TBC1D1: variants seen among roughly 807,000 people sequenced by gnomAD.
TBC1D1 encodes TBC1 domain family member 1.
Under a neutral mutation model 125.6 loss-of-function variants are expected in TBC1D1, and 89 were observed. The observed-to-expected ratio is 0.71, with a 90% CI of 0.60 to 0.85. The LOEUF (loss-of-function observed/expected upper bound fraction) is 0.85. TBC1D1 is among the 40% of genes least tolerant of loss of function. The pLI, the probability that TBC1D1 is intolerant of heterozygous loss-of-function variation, is 0.00. For synonymous variants in TBC1D1, 565 were observed against 564.1 expected, an observed-to-expected ratio of 1.00 and a Z score of -0.02; for missense variants, 1,377 against 1,469.2, an observed-to-expected ratio of 0.94 and a Z score of 1.03.
intron 2 of TBC1D1, among the ~76,000 whole-genome samples, chr4:38,010,181 T>C (rs1012745836): frequency 6.6e-6 from 1 of 152,224 alleles, no homozygotes; most frequent in African/African-American, 2.4e-5. Flanking sequence ...GGGGGTTTAG[T>C]ATTGTCTTCC....
At position 38,103,001 on chromosome 4, in the gene TBC1D1, G is replaced by A; in HGVS notation, c.2401G>A (p.Val801Met). The A allele has an allele frequency of 6.2e-7, 1 of 1,613,442 alleles. No individual in the cohort carries two copies. Among genetic ancestry groups the A allele is most frequent in the East Asian group, 2.2e-5 (1 of 44,870 alleles). ...CATGTCTTCTCTCCCTTTTAAAGGTGTGCCACGTCATCACCGAGGTGAAAT... is the reference window on the plus strand; with the variant it reads ...CATGTCTTCTCTCCCTTTTAAAGGTATGCCACGTCATCACCGAGGTGAAAT... The change falls in exon 15 of 20, where the codon GTG (valine) becomes ATG (methionine). Residue 801 changes from valine (V) to methionine (M), a missense_variant and splice_region_variant. By Grantham distance (21) the Val-to-Met change is conservative (BLOSUM62 1). Around this residue, in one of 3 missense-constraint regions of TBC1D1, gnomAD observed 543 missense variants for 613.5 expected, o/e 0.89. Transcript: ENST00000261439.
intron 2 of TBC1D1, among the ~76,000 whole-genome samples, chr4:37,973,151 G>A (rs1732398518): frequency 6.6e-6 from 1 of 152,170 alleles, no homozygotes; most frequent in African/African-American, 2.4e-5. Context: ...ACTTTCCCAT[G>A]AGATTAGTGA....
chr4:38,015,105 A>G, intron 3 of TBC1D1, 132 bp downstream of exon 3: 1 of 785,834 alleles, frequency 1.3e-6, no homozygotes, highest in Non-Finnish European at 2.0e-6. Flanking sequence ...TTCATGCTGA[A>G]CAATTCTATT....
intron 2 of TBC1D1, among the ~76,000 whole-genome samples, chr4:37,949,154 A>G (rs1727329624): frequency 1.3e-5 from 2 of 152,238 alleles, no homozygotes; most frequent in East Asian, 3.8e-4. Context: ...AGGCACAGAT[A>G]CGATCTGAGT....
intron 2 of TBC1D1, among the ~76,000 whole-genome samples, chr4:37,928,691 G>T (rs4832745): frequency 0.38 from 58,125 of 152,078 alleles, 11,555 homozygotes; most frequent in East Asian, 0.67. Flanking sequence ...TCTTCCAGGC[G>T]GTCTTTGGCA....
At chr4:38,133,758 C>T (rs1765997382) in intron 19 of TBC1D1, among the ~76,000 whole-genome samples, 1 of 152,176 alleles carries the variant, frequency 6.6e-6, no homozygotes, top group East Asian at 1.9e-4. Context: ...TCAGTTCTCC[C>T]CTCTAGAAAC....
intron 6 of TBC1D1, among the ~76,000 whole-genome samples, chr4:38,023,207 G>A (rs1381693950): frequency 8.7e-5 from 13 of 148,774 alleles, no homozygotes; most frequent in African/African-American, 1.8e-4. Context: ...AGATTGTGCC[G>A]CTGTGCTCCA....
chr4:38,085,221 AG>A (rs1174077934), intron 12 of TBC1D1, among the ~76,000 whole-genome samples: 1 of 152,346 alleles, frequency 6.6e-6, no homozygotes, highest in East Asian at 1.9e-4. Context: ...GGAGTGTCAC[AG>A]CAATGATTTA....
intron 18 of TBC1D1, among the ~76,000 whole-genome samples, chr4:38,128,177 A>G (rs1578851532): frequency 6.6e-6 from 1 of 152,280 alleles, no homozygotes; most frequent in East Asian, 1.9e-4. Flanking sequence ...TTTTGGGGGT[A>G]TCGGGAGCAC....
chr4:38,103,108 A>G lies in TBC1D1; in HGVS notation c.2508A>G (p.Glu836=). Residue 836 remains glutamate, a synonymous_variant, in exon 15 of 20, where the codon GAA becomes GAG. Transcript: ENST00000261439. The stretch of plus-strand genomic sequence containing the variant: ...AGCCAAAGGATGTGCCATACAAAGA[A>G]CTCTTAAAGCAGCTGACTTCCCAGC... 1 of 1,613,796 alleles carries G rather than the reference A, an allele frequency of 6.2e-7. No individual in the cohort carries two copies. The highest frequency in any genetic ancestry group is 8.5e-7 in the Non-Finnish European group (1 of 1,179,944).
At chr4:37,904,564 G>A (rs753670529) in intron 2 of TBC1D1, among the ~76,000 whole-genome samples, 3 of 152,160 alleles carry the variant, frequency 2.0e-5, no homozygotes, top group African/African-American at 4.8e-5. Context: ...CCAGTCATTC[G>A]GATGCCTGAC....
chr4:37,937,798 G>GT lies in TBC1D1; in HGVS notation c.417+35287dup, dbSNP rs545813456. 2.8e-3 allele frequency among the ~76,000 whole-genome samples: 428 copies of GT among 152,322 alleles called. 1 individual carries two copies. Among genetic ancestry groups the GT allele is most frequent in the African/African-American group, 9.4e-3 (392 of 41,584 alleles). ...GAGTCTGAAGCCTCGGCCATGTGTG[G>GT]TGTTGCTGGTGGTTCCTAACGCTCA... On this transcript the variant is annotated intron_variant, in intron 2 of 19. Transcript: ENST00000261439.
intron 2 of TBC1D1, among the ~76,000 whole-genome samples, chr4:37,950,867 T>C (rs1727706322): frequency 6.6e-6 from 1 of 151,822 alleles, no homozygotes. Context: ...CAAGCGATTC[T>C]CCTGCCTCAG....
In TBC1D1 at chr4:37,995,644, A is replaced by C; in HGVS notation, c.418-18865A>C. On this transcript the variant is annotated intron_variant, in intron 2 of 19. Coordinates refer to ENST00000261439, the MANE Select transcript of TBC1D1 (RefSeq NM_015173.4). This position sits in a 1 kb window ranked among gnomAD's most constrained non-coding sequence, Gnocchi z 4.3. Reference sequence around the variant, plus strand: ...GGCTGTCTTATCTCACTTTTGCACCAACGCCTGGTAATCCATTACATGGGT... The same window carrying C: ...GGCTGTCTTATCTCACTTTTGCACCCACGCCTGGTAATCCATTACATGGGT... 2.0e-6 allele frequency: 1 copy of C among 508,574 alleles called. No homozygotes were observed. The highest frequency in any genetic ancestry group is 2.0e-5 in the Admixed American group (1 of 50,492). The allele number at this position is 508,574 out of a possible 1,614,324, so 31.5% of individuals were successfully genotyped here. A position where few individuals can be genotyped will look rare whatever the true frequency, so the allele number is the denominator to read the frequency against.
chr4:38,066,237 A>C (rs1452889611), intron 12 of TBC1D1, among the ~76,000 whole-genome samples: 1 of 151,726 alleles, frequency 6.6e-6, no homozygotes, highest in African/African-American at 2.4e-5. Flanking sequence ...CTTGCTAATA[A>C]AGCATACATT....
At position 37,977,700 on chromosome 4, in the gene TBC1D1, C is replaced by T. The variant is rs1456940764; in HGVS notation, c.418-36809C>T. On this transcript the variant is annotated intron_variant, in intron 2 of 19. Coordinates refer to ENST00000261439, the MANE Select transcript of TBC1D1 (RefSeq NM_015173.4). This position sits in a 1 kb window ranked among gnomAD's most constrained non-coding sequence, Gnocchi z 4.3. ...AGCCGCGCGTTTCTCATTCATTAGT[C>T]TCCCAGATCCCTGTGGGGAGGACGG... 2.0e-5 allele frequency among the ~76,000 whole-genome samples: 3 copies of T among 152,080 alleles called. No individual in the cohort carries two copies. Among genetic ancestry groups the T allele is most frequent in the African/African-American group, 7.2e-5 (3 of 41,446 alleles).
intron 2 of TBC1D1, among the ~76,000 whole-genome samples, chr4:37,904,629 A>C (rs910686314): frequency 6.6e-6 from 1 of 152,250 alleles, no homozygotes; most frequent in Non-Finnish European, 1.5e-5. Context: ...GTCTTTCCCC[A>C]AGTAGAGAAT....
In TBC1D1 at chr4:38,103,024, A is replaced by G. The variant is rs148353711; in HGVS notation, c.2424A>G (p.Glu808=). The G allele has an allele frequency of 1.3e-4, 207 of 1,614,076 alleles. No individual in the cohort carries two copies. In the African/African-American group the frequency reaches 2.0e-3, roughly 16 times the overall value. ...GTGTGCCACGTCATCACCGAGGTGA[A>G]ATCTGGAAATTTCTAGCTGAGCAAT... The change falls in exon 15 of 20, where the codon GAA becomes GAG. Residue 808 remains glutamate (E), a synonymous_variant. Coordinates refer to ENST00000261439, the MANE Select transcript of TBC1D1 (RefSeq NM_015173.4).
At chr4:38,020,020 A>G (rs1276424319) in intron 4 of TBC1D1, among the ~76,000 whole-genome samples, 4 of 152,204 alleles carry the variant, frequency 2.6e-5, no homozygotes, top group East Asian at 1.9e-4. Context: ...ACAAAACAAC[A>G]AACAAATACT....
Sources: gnomAD v4.1 joint callset for allele counts (sites outside exome capture counted in the v4.1 genomes callset) on GRCh38, gnomAD v4.1.1 for gene constraint, gnomAD v4.1.1 regional missense constraint, Gnocchi (gnomAD v3.1) non-coding constraint, MANE v1.5 for transcripts, NCBI Gene and HGNC (gene_info 2026-07-23, HGNC 2026-07-21) for gene names.